The following SLC6A19 variants were observed in gnomAD, a reference collection of about 807,000 sequenced individuals.
SLC6A19 encodes the protein sodium-dependent neutral amino acid transporter B(0)AT1.
Under a neutral mutation model 68.3 loss-of-function variants are expected in SLC6A19, and 67 were observed. The observed-to-expected ratio is 0.98, with a 90% CI of 0.81 to 1.20. The LOEUF is 1.20. Ranked by LOEUF, SLC6A19 falls within the 50% of genes most tolerant of loss-of-function variation. SLC6A19 has a pLI of 0.00. For synonymous variants in SLC6A19, 392 were observed against 374.9 expected, an observed-to-expected ratio of 1.05 and a Z score of -0.53; for missense variants, 813 against 851.6, an observed-to-expected ratio of 0.95 and a Z score of 0.56.
intron 2 of SLC6A19, 150 bp from the exon 3 acceptor site, chr5:1,210,294 C>A: frequency 9.0e-7 from 1 of 1,110,164 alleles, no homozygotes; most frequent in Non-Finnish European, 1.3e-6. Flanking sequence ...TGCATGATCC[C>A]GGCCTGCACT....
rs570877765 is a variant in SLC6A19 at position 1,211,964 on chromosome 5, T to A, written c.482-339T>A. 4.9e-5 allele frequency among the ~76,000 whole-genome samples: 7 copies of A among 141,724 alleles called. No individual in the cohort carries two copies. The South Asian group carries it at 1.5e-3, about 31-fold the overall frequency. 93.0% of individuals were successfully genotyped at this position (141,724 alleles called of 152,430 possible). A position where few individuals can be genotyped will look rare whatever the true frequency, so the allele number is the denominator to read the frequency against. Reference sequence around the variant, plus strand: ...GTGCATGTGAGCATGTGTGCCTGTGTGCATGTGTGTGTGTTGTGTGTCCGT... The same window carrying A: ...GTGCATGTGAGCATGTGTGCCTGTGAGCATGTGTGTGTGTTGTGTGTCCGT... On this transcript the variant is annotated intron_variant, in intron 3 of 11. Coordinates refer to ENST00000304460, the MANE Select transcript of SLC6A19 (RefSeq NM_001003841.3).
chr5:1,217,616 C>G (rs1273570822), intron 8 of SLC6A19, among the ~76,000 whole-genome samples: 2 of 152,238 alleles, frequency 1.3e-5, no homozygotes, highest in African/African-American at 2.4e-5. Context: ...TGGAGCCAGG[C>G]AGAGGGCTCC....
Position 1,222,683 on chromosome 5 carries a change from GCATATGGACA to G in SLC6A19, c.*792_*801del, listed in dbSNP as rs1217825864. The G allele has an allele frequency of 2.8e-4, 53 of 190,728 alleles. No individual in the cohort carries two copies. In the South Asian group the frequency reaches 8.5e-3, roughly 31 times the overall value. The allele number at this position is 190,728 out of a possible 1,614,324, so 11.8% of individuals were successfully genotyped here. Reference sequence around the variant, plus strand: ...TGCGCATATGGACACGCATGGACACGCATATGGACACATATGGACACACATATGGACACGT... The same window carrying G: ...TGCGCATATGGACACGCATGGACACGCATATGGACACACATATGGACACGT... On this transcript the variant is annotated 3_prime_UTR_variant, in exon 12 of 12. Coordinates refer to ENST00000304460, the MANE Select transcript of SLC6A19 (RefSeq NM_001003841.3).
rs140916314 is a variant in SLC6A19, at chr5:1,216,686, C to T, written c.1016C>T (p.Thr339Met). ...ATQRYDDCFS[T>M]NILTLINGFD... ...CAGCGCTACGACGACTGCTTCAGCA[C>T]GTGAGTGGCTGTCCCACCATCCTGG... The change falls in exon 7 of 12, where the codon ACG becomes ATG. Residue 339 changes from threonine to methionine, a missense_variant and splice_region_variant. Physicochemically the swap from Thr to Met is moderately conservative, Grantham distance 81. Transcript: ENST00000304460. 83 of 1,613,732 alleles carry T rather than the reference C, an allele frequency of 5.1e-5. 1 individual carries two copies. In the Admixed American group the frequency reaches 5.7e-4, roughly 11 times the overall value.
rs556345864 is a variant in SLC6A19, at chr5:1,206,457, G to C, written c.203-2289G>C. On this transcript the variant is annotated intron_variant, in intron 1 of 11. Transcript: ENST00000304460. The stretch of plus-strand genomic sequence containing the variant: ...GTGTGTCTCTGTCTCTCACACATGT[G>C]CTGTGCCATCCCCTGAGGATGGTAG... Among the ~76,000 whole-genome samples, 7 of 134,994 alleles carry C rather than the reference G, an allele frequency of 5.2e-5. No homozygotes were observed. In the South Asian group the frequency reaches 1.7e-3, roughly 32 times the overall value. The allele number at this position is 134,994 out of a possible 152,430, so 88.6% of individuals were successfully genotyped here. A position where few individuals can be genotyped will look rare whatever the true frequency, so the allele number is the denominator to read the frequency against.
At chr5:1,205,652 T>C (rs546448533) in intron 1 of SLC6A19, among the ~76,000 whole-genome samples, 3 of 152,142 alleles carry the variant, frequency 2.0e-5, no homozygotes, top group Admixed American at 6.5e-5. Flanking sequence ...GACCCGAGCA[T>C]TTAGGGTTAG....
chr5:1,214,215 T>G lies in SLC6A19; in HGVS notation c.887+150T>G. 1 of 1,458,564 alleles carries G rather than the reference T, an allele frequency of 6.9e-7. No individual in the cohort carries two copies. Among genetic ancestry groups the G allele is most frequent in the East Asian group, 2.5e-5 (1 of 40,340 alleles). The allele number at this position is 1,458,564 out of a possible 1,614,324, so 90.4% of individuals were successfully genotyped here. A position where few individuals can be genotyped will look rare whatever the true frequency, so the allele number is the denominator to read the frequency against. On this transcript the variant is annotated intron_variant, in intron 6 of 11. Transcript: ENST00000304460. The surrounding 1 kb of genome is among the most constrained non-coding windows in gnomAD (Gnocchi z 7.4). ...CCCGTTCCCTCCTGCTCGGGGTCCA[T>G]GTGAGCTGAGTCTAGAGTGCAGCAT...
intron 1 of SLC6A19, among the ~76,000 whole-genome samples, chr5:1,205,551 G>T (rs1408787641): frequency 6.6e-6 from 1 of 152,236 alleles, no homozygotes; most frequent in South Asian, 2.1e-4. Flanking sequence ...AGGAGCAAGG[G>T]CAACAACTGA....
At chr5:1,201,987 TG>T in intron 1 of SLC6A19, 135 bp downstream of exon 1, 4 of 1,216,992 alleles carry the variant, frequency 3.3e-6, no homozygotes, top group Non-Finnish European at 4.5e-6. Flanking sequence ...CCGCAGGGTG[TG>T]GGGGGAGCTG....
In SLC6A19 at chr5:1,212,631, C is replaced by G; in HGVS notation, c.663+147C>G. ...CCCCACCAAGAGAGCTGCCTTTGCC[C>G]TTAGGCTCACTGGCCTGGGCGGGAG... On this transcript the variant is annotated intron_variant, in intron 4 of 11. Coordinates refer to ENST00000304460, the MANE Select transcript of SLC6A19 (RefSeq NM_001003841.3). The surrounding 1 kb of genome is among the most constrained non-coding windows in gnomAD (Gnocchi z 5.1). 1 of 1,055,622 alleles carries G rather than the reference C, an allele frequency of 9.5e-7. No homozygotes were observed. Among genetic ancestry groups the G allele is most frequent in the East Asian group, 2.6e-5 (1 of 38,630 alleles). The allele number at this position is 1,055,622 out of a possible 1,614,324, so 65.4% of individuals were successfully genotyped here. A position where few individuals can be genotyped will look rare whatever the true frequency, so the allele number is the denominator to read the frequency against.
rs760474536 is a variant in SLC6A19 at position 1,221,251 on chromosome 5, CTCT to C, written c.1648_1650del (p.Phe550del). 5.8e-5 allele frequency: 94 copies of C among 1,614,156 alleles called. No individual in the cohort carries two copies. Among genetic ancestry groups the C allele is most frequent in the Middle Eastern group, 3.3e-4 (2 of 6,062 alleles). ...CCCCCTGCTCATGCTGATCATCTTCCTCTTCTTCTTCGTGGTAGAGGTCAGTCA... is the reference window on the plus strand; with the variant it reads ...CCCCCTGCTCATGCTGATCATCTTCCTCTTCTTCGTGGTAGAGGTCAGTCA... On this transcript the variant is annotated inframe_deletion, in exon 11 of 12. Transcript: ENST00000304460.
chr5:1,210,618 T>C (rs746942703), intron 3 of SLC6A19, 37 bp downstream of exon 3: 2 of 1,609,358 alleles, frequency 1.2e-6, no homozygotes, highest in African/African-American at 2.7e-5. Context: ...GTCTCACCTG[T>C]GAGGCTGTTG....
Position 1,201,682 on chromosome 5 carries a change from T to C in SLC6A19, c.32T>C (p.Leu11Pro). MVRLVLPNPG[L>P]DARIPSLAEL... ...AGGCTCGTGCTGCCCAACCCCGGCC[T>C]AGACGCCCGGATCCCGTCCCTGGCT... Residue 11 changes from leucine (L) to proline (P), a missense_variant, in exon 1 of 12, where the codon CTA (leucine) becomes CCA (proline). By Grantham distance (98) the Leu-to-Pro change is moderately conservative. Transcript: ENST00000304460. The C allele has an allele frequency of 1.2e-6, 2 of 1,609,716 alleles. No individual in the cohort carries two copies. The highest frequency in any genetic ancestry group is 1.7e-6 in the Non-Finnish European group (2 of 1,179,730).
intron 1 of SLC6A19, 69 bp downstream of exon 1, chr5:1,201,921 G>GGGCAGATATCCTCCCCGGACCCTC: frequency 5.9e-6 from 9 of 1,533,900 alleles, no homozygotes; most frequent in Non-Finnish European, 7.9e-6. Context: ...CAGAGGCCCT[G>GGGCAGATATCCTCCCCGGACCCTC]GGCAGACATC....
Position 1,222,399 on chromosome 5 carries a change from A to G in SLC6A19, c.*495A>G. 2 of 458,032 alleles carry G rather than the reference A, an allele frequency of 4.4e-6. No individual in the cohort carries two copies. The highest frequency in any genetic ancestry group is 7.2e-5 in the South Asian group (1 of 13,806). 28.4% of individuals were successfully genotyped at this position (458,032 alleles called of 1,614,324 possible). A position where few individuals can be genotyped will look rare whatever the true frequency, so the allele number is the denominator to read the frequency against. On this transcript the variant is annotated 3_prime_UTR_variant, in exon 12 of 12. Transcript: ENST00000304460. The stretch of plus-strand genomic sequence containing the variant: ...GGTGTCCACATGCACGTGTATATGT[A>G]TATCTGTGAGTGTATATACATGCAT...
Position 1,215,068 on chromosome 5 carries a change from G to C in SLC6A19, c.887+1003G>C, listed in dbSNP as rs1746170746. Reference sequence around the variant, plus strand: ...CCCTGGAGTCATTGTGCGAGCACTGGGTGGAGCAGTGAAGCCCCACCCAGG... The same window carrying C: ...CCCTGGAGTCATTGTGCGAGCACTGCGTGGAGCAGTGAAGCCCCACCCAGG... On this transcript the variant is annotated intron_variant, in intron 6 of 11. Coordinates refer to ENST00000304460, the MANE Select transcript of SLC6A19 (RefSeq NM_001003841.3). The surrounding 1 kb of genome is among the most constrained non-coding windows in gnomAD (Gnocchi z 5.1). Among the ~76,000 whole-genome samples the C allele has an allele frequency of 6.6e-6, 1 of 151,972 alleles. No individual in the cohort carries two copies. Among genetic ancestry groups the C allele is most frequent in the South Asian group, 2.1e-4 (1 of 4,818 alleles).
Position 1,219,499 on chromosome 5 carries a change from C to A in SLC6A19, c.1379-6C>A, listed in dbSNP as rs1189734721. ...CGTGTGAGCAGCTCTGTCCCCCGGC[C>A]TGCAGGCCTCATCTGCCTGGGGACA... On this transcript the variant is annotated splice_region_variant and splice_polypyrimidine_tract_variant and intron_variant, in intron 9 of 11. Transcript: ENST00000304460. 1 of 1,610,632 alleles carries A rather than the reference C, an allele frequency of 6.2e-7. No individual in the cohort carries two copies. The highest frequency in any genetic ancestry group is 8.5e-7 in the Non-Finnish European group (1 of 1,179,982).
intron 1 of SLC6A19, among the ~76,000 whole-genome samples, chr5:1,205,010 C>G (rs1302701161): frequency 1.3e-5 from 2 of 152,196 alleles, no homozygotes; most frequent in African/African-American, 2.4e-5. Flanking sequence ...ACAGGAGGAA[C>G]TGTTTCTGTG....
chr5:1,217,108 G>A (rs6554665), intron 8 of SLC6A19, among the ~76,000 whole-genome samples, 163 bp downstream of exon 8: 1 of 152,094 alleles, frequency 6.6e-6, no homozygotes, highest in African/African-American at 2.4e-5. Flanking sequence ...AGGGCTCTTC[G>A]GTCTGGGGCG....
Sources: allele counts gnomAD v4.1 joint callset (sites outside exome capture counted in the v4.1 genomes callset), GRCh38; gene constraint gnomAD v4.1.1; non-coding constraint Gnocchi (gnomAD v3.1); transcripts MANE v1.5; gene names NCBI Gene and HGNC (gene_info 2026-07-23, HGNC 2026-07-21).